Variants in ALOX5 observed in about 807,000 individuals in gnomAD.
ALOX5 encodes arachidonate 5-lipoxygenase.
ALOX5 carries 64 observed loss-of-function variants against 87.9 expected under a neutral mutation model. The ratio of observed to expected loss-of-function variants is 0.73; its 90% CI spans 0.60 to 0.90. ALOX5 has a LOEUF of 0.90. Among genes scored for constraint, ALOX5 ranks in the 40% least tolerant of loss-of-function variants. ALOX5 has a pLI of 0.00. For synonymous variants in ALOX5, 388 were observed against 355.1 expected, an observed-to-expected ratio of 1.09 and a Z score of -1.04; for missense variants, 822 against 907.5, an observed-to-expected ratio of 0.91 and a Z score of 1.21.
chr10:45,444,192 C>G lies in ALOX5; in HGVS notation c.1751C>G (p.Thr584Ser). The part of the protein sequence containing the change: ...APPPTAKGVV[T>S]IEQIVDTLPD... ...CCACCGACTGCCAAGGGCGTGGTGA[C>G]CATTGAGCAGATCGTGGACACGCTG... Residue 584 changes from threonine (T) to serine (S), a missense_variant, in exon 13 of 14, where the codon ACC becomes AGC. By Grantham distance (58) the Thr-to-Ser change is moderately conservative. Transcript: ENST00000374391. 6.4e-7 allele frequency: 1 copy of G among 1,557,038 alleles called. No homozygotes were observed. The highest frequency in any genetic ancestry group is 2.4e-5 in the East Asian group (1 of 41,568).
intron 2 of ALOX5, among the ~76,000 whole-genome samples, chr10:45,395,049 A>G (rs1188390988): frequency 2.0e-5 from 3 of 152,224 alleles, no homozygotes; most frequent in African/African-American, 7.2e-5. Context: ...ACACTGTGGC[A>G]ATTCCTCAGG....
intron 3 of ALOX5, among the ~76,000 whole-genome samples, chr10:45,400,780 T>C (rs913503342): frequency 3.3e-5 from 5 of 152,174 alleles, no homozygotes; most frequent in African/African-American, 1.2e-4. Flanking sequence ...AGTAGTTGCC[T>C]AGCACTAGGA....
intron 4 of ALOX5, among the ~76,000 whole-genome samples, chr10:45,420,201 A>G (rs1364648724): frequency 6.6e-6 from 1 of 152,230 alleles, no homozygotes; most frequent in Middle Eastern, 3.2e-3. Context: ...CCTATAAAAC[A>G]TATTGACTTT....
At chr10:45,397,817 AACATTGTTTAACATT>A (rs753122954) in intron 3 of ALOX5, among the ~76,000 whole-genome samples, 27 of 152,354 alleles carry the variant, frequency 1.8e-4, no homozygotes, top group Non-Finnish European at 3.8e-4. Context: ...GAAACTACAA[AACATTGTTTAACATT>A]ATTAAAGAAG....
chr10:45,424,634 C>A (rs1446668201), intron 5 of ALOX5, among the ~76,000 whole-genome samples: 1 of 152,212 alleles, frequency 6.6e-6, no homozygotes, highest in Admixed American at 6.5e-5. Flanking sequence ...GAAATCAGGA[C>A]ATGGGGAACC....
At chr10:45,407,649 ATTT>A (rs1200518935) in intron 3 of ALOX5, among the ~76,000 whole-genome samples, 5 of 151,956 alleles carry the variant, frequency 3.3e-5, no homozygotes, top group Admixed American at 3.3e-4. Context: ...GTGAATCTGC[ATTT>A]TTTTTAACAT....
At chr10:45,412,953 C>T (rs1480221273) in intron 4 of ALOX5, among the ~76,000 whole-genome samples, 2 of 152,180 alleles carry the variant, frequency 1.3e-5, no homozygotes, top group South Asian at 2.1e-4. Flanking sequence ...ATGGATCCCC[C>T]GACCCTATCC....
At chr10:45,374,693 T>C (rs66489870) in intron 1 of ALOX5, among the ~76,000 whole-genome samples, 2 of 152,078 alleles carry the variant, frequency 1.3e-5, no homozygotes, top group African/African-American at 4.8e-5. Context: ...ACTTCCCGCG[T>C]GCCGCCTGCA....
At position 45,425,227 on chromosome 10, in the gene ALOX5, T is replaced by A. The variant is rs1488068810; in HGVS notation, c.834+95T>A. ...CAGTGCTCATAGGCCACCAAGACGC[T>A]AACTGCAGGCCCATCTGGCCTACAG... On this transcript the variant is annotated intron_variant, in intron 6 of 13. Transcript: ENST00000374391. The surrounding 1 kb of genome is among the most constrained non-coding windows in gnomAD (Gnocchi z 4.4). The A allele has an allele frequency of 9.1e-6, 13 of 1,424,384 alleles. No homozygotes were observed. Among genetic ancestry groups the A allele is most frequent in the Admixed American group, 2.3e-5 (1 of 43,202 alleles). The allele number at this position is 1,424,384 out of a possible 1,614,324, so 88.2% of individuals were successfully genotyped here.
At chr10:45,384,545 CCT>C (rs1364202808) in intron 2 of ALOX5, among the ~76,000 whole-genome samples, 3 of 152,174 alleles carry the variant, frequency 2.0e-5, no homozygotes, top group African/African-American at 7.2e-5. Context: ...GGCTCCTTGG[CCT>C]CTCTGTCCAT....
intron 4 of ALOX5, among the ~76,000 whole-genome samples, chr10:45,414,551 C>G (rs1383738863): frequency 1.3e-5 from 2 of 152,140 alleles, no homozygotes; most frequent in Non-Finnish European, 2.9e-5. Context: ...GTCTAAAACA[C>G]CAAAAGCAAT....
chr10:45,412,883 C>T lies in ALOX5; in HGVS notation c.554+570C>T, dbSNP rs943290144. On this transcript the variant is annotated intron_variant, in intron 4 of 13. Coordinates refer to ENST00000374391, the MANE Select transcript of ALOX5 (RefSeq NM_000698.5). ...TGCACCTTTGTTTCATCCGAATGTCCGCAGGGCTTTTTAAAGCTTGCCCAG... is the reference window on the plus strand; with the variant it reads ...TGCACCTTTGTTTCATCCGAATGTCTGCAGGGCTTTTTAAAGCTTGCCCAG... Among the ~76,000 whole-genome samples the T allele has an allele frequency of 4.6e-5, 7 of 152,296 alleles. No homozygotes were observed. In the East Asian group the frequency reaches 5.8e-4, roughly 13 times the overall value.
At chr10:45,444,589 C>T (rs534871263) in intron 13 of ALOX5, 1 of 400,656 alleles carries the variant, frequency 2.5e-6, no homozygotes, top group Non-Finnish European at 4.4e-6. Flanking sequence ...GTGTTTTACC[C>T]TGGTACTCCA....
chr10:45,440,086 C>T (rs1842178245), intron 7 of ALOX5, among the ~76,000 whole-genome samples: 1 of 152,156 alleles, frequency 6.6e-6, no homozygotes, highest in African/African-American at 2.4e-5. Context: ...AGGGGGACAG[C>T]GATCCTCCCC....
At chr10:45,433,397 C>G (rs981125285) in intron 7 of ALOX5, among the ~76,000 whole-genome samples, 1 of 152,156 alleles carries the variant, frequency 6.6e-6, no homozygotes, top group Non-Finnish European at 1.5e-5. Context: ...GTTGTGTTAC[C>G]GAGCTGGACT....
chr10:45,421,880 A>G (rs1841519379), intron 4 of ALOX5, among the ~76,000 whole-genome samples: 1 of 152,212 alleles, frequency 6.6e-6, no homozygotes, highest in South Asian at 2.1e-4. Flanking sequence ...TGCCATGGCA[A>G]CTTCCAGCAG....
At chr10:45,439,369 G>T (rs148080753) in intron 7 of ALOX5, among the ~76,000 whole-genome samples, 4 of 152,192 alleles carry the variant, frequency 2.6e-5, no homozygotes, top group African/African-American at 9.7e-5. Flanking sequence ...GTGCTGCAGT[G>T]ACACTGGTCT....
rs1435684769 is a variant in ALOX5 at position 45,382,667 on chromosome 10, T to C, written c.335T>C (p.Leu112Pro). 1 of 1,613,086 alleles carries C rather than the reference T, an allele frequency of 6.2e-7. No homozygotes were observed. The highest frequency in any genetic ancestry group is 8.5e-7 in the Non-Finnish European group (1 of 1,179,588). The change falls in exon 2 of 14, where the codon CTG (leucine) becomes CCG (proline). Residue 112 changes from leucine (L) to proline (P), a missense_variant. Physicochemically the swap from Leu to Pro is moderately conservative, Grantham distance 98. Transcript: ENST00000374391. ...RWITGDVEVV[L>P]RDGRAKLARD... ...ATCACCGGCGATGTCGAGGTTGTCC[T>C]GAGGGATGGACGCGGTGAGCAGCTC...
intron 2 of ALOX5, among the ~76,000 whole-genome samples, chr10:45,384,835 A>G (rs1030800526): frequency 6.6e-6 from 1 of 150,574 alleles, no homozygotes; most frequent in East Asian, 1.9e-4. Flanking sequence ...TTTGTGGCCT[A>G]TTATTATTAT....
Sources: gnomAD v4.1 joint callset for allele counts (sites outside exome capture counted in the v4.1 genomes callset) on GRCh38, gnomAD v4.1.1 for gene constraint, Gnocchi (gnomAD v3.1) non-coding constraint, MANE v1.5 for transcripts, NCBI Gene and HGNC (gene_info 2026-07-23, HGNC 2026-07-21) for gene names.